Variants in FBXO42 observed in about 807,000 individuals in gnomAD.
FBXO42 encodes the protein F-box protein 42.
FBXO42 carries 12 observed loss-of-function variants against 71.7 expected under a neutral mutation model. The observed-to-expected ratio is 0.17, with a 90% CI of 0.11 to 0.27. FBXO42 has a LOEUF of 0.27. FBXO42 is among the 10% of genes least tolerant of loss of function. The pLI is 1.00. For synonymous variants in FBXO42, 325 were observed against 327.5 expected (o/e 0.99, Z 0.08); for missense variants, 707 against 911.9 (o/e 0.78, Z 2.89).
At chr1:16,268,124 G>A (rs756468478) in intron 4 of FBXO42, among the ~76,000 whole-genome samples, 1 of 151,948 alleles carries the variant, frequency 6.6e-6, no homozygotes, top group Non-Finnish European at 1.5e-5. Context: ...TTCTAATGGG[G>A]GTGGGGGGCA....
intron 2 of FBXO42, among the ~76,000 whole-genome samples, chr1:16,308,562 C>T (rs1266049603): frequency 6.7e-6 from 1 of 148,900 alleles, no homozygotes; most frequent in African/African-American, 2.5e-5. Context: ...TGCAGTGGCA[C>T]GATCCCCGTT....
chr1:16,331,458 T>C (rs189424606), intron 1 of FBXO42, among the ~76,000 whole-genome samples: 1 of 149,548 alleles, frequency 6.7e-6, no homozygotes, highest in East Asian at 2.0e-4. Context: ...ATAATTTAAT[T>C]AAAAAGTAAA....
chr1:16,351,439 A>G (rs929475330), intron 1 of FBXO42, among the ~76,000 whole-genome samples: 64 of 152,318 alleles, frequency 4.2e-4, no homozygotes, highest in African/African-American at 1.5e-3. Context: ...ACCACAGAAA[A>G]ATCCAGACTC....
chr1:16,263,807 C>CTT (rs1193282987), intron 4 of FBXO42, among the ~76,000 whole-genome samples: 11,121 of 126,524 alleles, frequency 0.088, 826 homozygotes, highest in Non-Finnish European at 0.14. Context: ...CATACATTAA[C>CTT]TTTTTTTTTT....
intron 1 of FBXO42, among the ~76,000 whole-genome samples, chr1:16,342,112 A>G (rs372917127): frequency 2.0e-5 from 3 of 148,840 alleles, no homozygotes; most frequent in South Asian, 4.3e-4. Flanking sequence ...CCCTAACTCT[A>G]CAGGCCAGGT....
chr1:16,251,765 G>A lies in FBXO42; in HGVS notation c.1059C>T (p.Val353=). 6.2e-7 allele frequency: 1 copy of A among 1,613,846 alleles called. No homozygotes were observed. Among genetic ancestry groups the A allele is most frequent in the Non-Finnish European group, 8.5e-7 (1 of 1,179,902 alleles). The change falls in exon 10 of 10, where the codon GTC becomes GTT. Residue 353 remains valine, a synonymous_variant. Coordinates refer to ENST00000375592, the MANE Select transcript of FBXO42 (RefSeq NM_018994.3). The surrounding 1 kb of genome is among the most constrained non-coding windows in gnomAD (Gnocchi z 4.5). ...CTCTCCCACTAGGAGCCTGGCTGAA[G>A]ACCACCACACACTGTCCCACCTGGA... The part of the protein sequence containing the change: ...PACRVGQCVV[V]FSQAPSGRAP...
At chr1:16,294,593 A>C (rs2082110438) in intron 4 of FBXO42, 190 bp downstream of exon 4, 1 of 594,556 alleles carries the variant, frequency 1.7e-6, no homozygotes, top group African/African-American at 1.8e-5. Flanking sequence ...ACTAATGATA[A>C]AGTATAATTT....
At position 16,305,900 on chromosome 1, in the gene FBXO42, A is replaced by G. The variant is rs200336883; in HGVS notation, c.270T>C (p.Tyr90=). 4.2e-5 allele frequency: 68 copies of G among 1,613,918 alleles called. No homozygotes were observed. In the East Asian group the frequency reaches 8.0e-4, roughly 19 times the overall value. ...RLIKGVAHQC[Y]HGFMKAVQEG... is the part of the protein sequence containing the mutation. Reference sequence around the variant, plus strand: ...CCTGGACAGCCTTCATGAAACCATGATAACACTGATGGGCTACACCTAAGA... The same window carrying G: ...CCTGGACAGCCTTCATGAAACCATGGTAACACTGATGGGCTACACCTAAGA... Residue 90 remains tyrosine (Y), a synonymous_variant, in exon 3 of 10, where the codon TAT becomes TAC. Coordinates refer to ENST00000375592, the MANE Select transcript of FBXO42 (RefSeq NM_018994.3).
At chr1:16,280,501 C>T (rs565539565) in intron 4 of FBXO42, among the ~76,000 whole-genome samples, 2 of 152,268 alleles carry the variant, frequency 1.3e-5, no homozygotes, top group African/African-American at 4.8e-5. Flanking sequence ...TATCATTATT[C>T]AATGGCAAAA....
intron 1 of FBXO42, among the ~76,000 whole-genome samples, chr1:16,339,661 G>A (rs1436843061): frequency 7.0e-6 from 1 of 143,814 alleles, no homozygotes; most frequent in African/African-American, 2.6e-5. Flanking sequence ...ACACATTTTT[G>A]GTTAATACTT....
At chr1:16,298,102 G>C (rs2082150877) in intron 3 of FBXO42, among the ~76,000 whole-genome samples, 1 of 151,358 alleles carries the variant, frequency 6.6e-6, no homozygotes, top group South Asian at 2.1e-4. Flanking sequence ...GCATGCACCT[G>C]TAACTCCCAG....
At chr1:16,259,144 T>C (rs764615930) in intron 4 of FBXO42, among the ~76,000 whole-genome samples, 1 of 152,208 alleles carries the variant, frequency 6.6e-6, no homozygotes, top group Non-Finnish European at 1.5e-5. Context: ...TTGTCTTTCA[T>C]ATAGCCTTAC....
intron 4 of FBXO42, among the ~76,000 whole-genome samples, chr1:16,291,585 T>C (rs2082079739): frequency 6.6e-6 from 1 of 152,094 alleles, no homozygotes; most frequent in African/African-American, 2.4e-5. Flanking sequence ...TTTCGCTATG[T>C]TGGCCAGGCT....
chr1:16,335,305 A>G (rs758807015), intron 1 of FBXO42, among the ~76,000 whole-genome samples: 4 of 151,952 alleles, frequency 2.6e-5, no homozygotes, highest in Non-Finnish European at 2.9e-5. Flanking sequence ...AAGACCAGCT[A>G]ATTTTTTTAT....
chr1:16,300,383 C>T (rs2082178375), intron 3 of FBXO42, among the ~76,000 whole-genome samples: 1 of 152,220 alleles, frequency 6.6e-6, no homozygotes, highest in African/African-American at 2.4e-5. Flanking sequence ...CAGTTCTTCA[C>T]AGTTCTGAAT....
intron 4 of FBXO42, among the ~76,000 whole-genome samples, chr1:16,261,388 T>C (rs1033559588): frequency 6.6e-6 from 1 of 152,222 alleles, no homozygotes; most frequent in Non-Finnish European, 1.5e-5. Context: ...TCAGATATCT[T>C]GACCTTTTAG....
chr1:16,298,513 A>G (rs891369800), intron 3 of FBXO42, among the ~76,000 whole-genome samples: 24 of 151,800 alleles, frequency 1.6e-4, no homozygotes, highest in African/African-American at 5.8e-4. Context: ...CCTATGAGTT[A>G]TTTATTTATT....
intron 2 of FBXO42, among the ~76,000 whole-genome samples, chr1:16,314,850 C>T (rs1489650149): frequency 6.6e-6 from 1 of 151,118 alleles, no homozygotes; most frequent in African/African-American, 2.4e-5. Flanking sequence ...CGCCACTGCA[C>T]TCCAGCCTGG....
intron 6 of FBXO42, among the ~76,000 whole-genome samples, chr1:16,255,383 G>A (rs750643686): frequency 6.6e-6 from 1 of 151,366 alleles, no homozygotes; most frequent in Non-Finnish European, 1.5e-5. Flanking sequence ...TGCCCAGGCT[G>A]GAATGCAATG....
Sources: gnomAD v4.1 joint callset for allele counts (sites outside exome capture counted in the v4.1 genomes callset) on GRCh38, gnomAD v4.1.1 for gene constraint, Gnocchi (gnomAD v3.1) non-coding constraint, MANE v1.5 for transcripts, NCBI Gene and HGNC (gene_info 2026-07-23, HGNC 2026-07-21) for gene names.